The following PAX3 variants were observed in gnomAD, a reference collection of about 807,000 sequenced individuals.
PAX3 encodes paired box 3, also known as paired box protein Pax-3.
PAX3 carries 14 observed loss-of-function variants against 51.6 expected under a neutral mutation model. The observed-to-expected ratio is 0.27, with a 90% CI of 0.18 to 0.42. The LOEUF is 0.42. PAX3 is among the 10% of genes least tolerant of loss of function. The pLI is 1.00. For synonymous variants in PAX3, 280 were observed against 253.4 expected (o/e 1.11, Z -1.00); for missense variants, 540 against 642.8 (o/e 0.84, Z 1.73).
Position 222,291,630 on chromosome 2 carries a change from C to T in PAX3, c.586+2537G>A, listed in dbSNP as rs1695042514. On this transcript the variant is annotated intron_variant, in intron 4 of 8. Transcript: ENST00000392070. ...GAAAAGCCAGGCTCAGCAGCACCCA[C>T]CAGACCCACTAACTGGAAAAGGGCA... Among the ~76,000 whole-genome samples, 3 of 152,184 alleles carry T rather than the reference C, an allele frequency of 2.0e-5. No homozygotes were observed. The South Asian group carries it at 6.2e-4, about 31-fold the overall frequency.
At chr2:222,278,495 C>T (rs910872278) in intron 4 of PAX3, among the ~76,000 whole-genome samples, 3 of 152,218 alleles carry the variant, frequency 2.0e-5, no homozygotes, top group East Asian at 1.9e-4. Context: ...TAGTCTATGG[C>T]TCTTGGCCAA....
rs369403205 is a variant in PAX3 at position 222,220,413 on chromosome 2, A to G, written c.959-59T>C. 3.1e-5 allele frequency: 48 copies of G among 1,537,058 alleles called. No homozygotes were observed. The East Asian group carries it at 3.2e-4, about 10-fold the overall frequency. Reference sequence around the variant, plus strand: ...TCTTTTAGGCCAGCAGAGAAAGTTCAGTGCAAAAGTTCATCAGCCACCAGG... The same window carrying G: ...TCTTTTAGGCCAGCAGAGAAAGTTCGGTGCAAAAGTTCATCAGCCACCAGG... On this transcript the variant is annotated intron_variant, in intron 6 of 8. Coordinates refer to ENST00000392070, the MANE Select transcript of PAX3 (RefSeq NM_181458.4).
At chr2:222,256,619 C>T (rs1693656692) in intron 4 of PAX3, among the ~76,000 whole-genome samples, 2 of 152,206 alleles carry the variant, frequency 1.3e-5, no homozygotes, top group South Asian at 4.1e-4. Context: ...CTGGAAGTCT[C>T]ATTTTCTCAT....
chr2:222,281,543 C>A (rs1323590877), intron 4 of PAX3, among the ~76,000 whole-genome samples: 2 of 152,212 alleles, frequency 1.3e-5, no homozygotes, highest in Non-Finnish European at 2.9e-5. Flanking sequence ...CTGTCAGTAA[C>A]CTAAAGCTTG....
rs191272216 is a variant in PAX3, at chr2:222,249,798, T to C, written c.587-17515A>G. Among the ~76,000 whole-genome samples the C allele has an allele frequency of 2.5e-3, 387 of 152,300 alleles. 3 individuals are homozygous for C. The highest frequency in any genetic ancestry group is 0.021 in the Admixed American group (326 of 15,294). On this transcript the variant is annotated intron_variant, in intron 4 of 8. Coordinates refer to ENST00000392070, the MANE Select transcript of PAX3 (RefSeq NM_181458.4). ...GTGAAAGACACTTTCCTTCTATGTC[T>C]GCCCTTCCTGCTAATGACACAGTAT...
At chr2:222,255,320 A>T (rs1693598433) in intron 4 of PAX3, among the ~76,000 whole-genome samples, 2 of 152,156 alleles carry the variant, frequency 1.3e-5, no homozygotes, top group South Asian at 4.1e-4. Context: ...GGCTTCAAGG[A>T]GATAGGCTGA....
At chr2:222,225,045 G>C (rs1319590356) in intron 5 of PAX3, among the ~76,000 whole-genome samples, 4 of 152,142 alleles carry the variant, frequency 2.6e-5, no homozygotes, top group African/African-American at 9.7e-5. Flanking sequence ...CCCCACACAA[G>C]ATTACCTGGC....
chr2:222,272,441 G>T (rs557297894), intron 4 of PAX3, among the ~76,000 whole-genome samples: 2 of 152,296 alleles, frequency 1.3e-5, no homozygotes, highest in African/African-American at 4.8e-5. Context: ...GAAGTAATAA[G>T]AATTTGCATA....
rs543411004 is a variant in PAX3, at chr2:222,268,561, A to T, written c.586+25606T>A. ...TCTCCCCAAGGGTGTTTCAATAACCAGGCACAACGGGGAAAGCAAAGAGCT... is the reference window on the plus strand; with the variant it reads ...TCTCCCCAAGGGTGTTTCAATAACCTGGCACAACGGGGAAAGCAAAGAGCT... On this transcript the variant is annotated intron_variant, in intron 4 of 8. Coordinates refer to ENST00000392070, the MANE Select transcript of PAX3 (RefSeq NM_181458.4). Among the ~76,000 whole-genome samples, 6 of 152,316 alleles carry T rather than the reference A, an allele frequency of 3.9e-5. No individual in the cohort carries two copies. The East Asian group carries it at 7.7e-4, about 20-fold the overall frequency.
At chr2:222,287,612 A>G (rs753538683) in intron 4 of PAX3, 6 of 152,232 alleles carry the variant, frequency 3.9e-5, no homozygotes, top group Admixed American at 6.5e-5. Context: ...GAACTATCTA[A>G]TGCTATATCT....
At chr2:222,217,980 T>C (rs1692031475) in intron 7 of PAX3, among the ~76,000 whole-genome samples, 1 of 152,174 alleles carries the variant, frequency 6.6e-6, no homozygotes, top group Admixed American at 6.6e-5. Flanking sequence ...TAACTTTGCC[T>C]GAGGAAATAA....
chr2:222,249,800 C>T (rs1215900385), intron 4 of PAX3, among the ~76,000 whole-genome samples: 2 of 152,148 alleles, frequency 1.3e-5, no homozygotes, highest in African/African-American at 4.8e-5. Context: ...TCTATGTCTG[C>T]CCTTCCTGCT....
In PAX3 at chr2:222,201,101, C is replaced by A; in HGVS notation, c.*307G>T. On this transcript the variant is annotated 3_prime_UTR_variant, in exon 9 of 9. Transcript: ENST00000392070. ...TGGAATGTTCTAGCTCCTCGATGAT[C>A]AGCACTAAAGAATTGGGATGTTTTG... is the stretch of plus-strand genomic sequence containing the variant. 1 of 1,491,972 alleles carries A rather than the reference C, an allele frequency of 6.7e-7. No individual in the cohort carries two copies. The highest frequency in any genetic ancestry group is 9.3e-7 in the Non-Finnish European group (1 of 1,072,740). 92.4% of individuals were successfully genotyped at this position (1,491,972 alleles called of 1,614,324 possible).
At chr2:222,279,508 G>T (rs905404221) in intron 4 of PAX3, among the ~76,000 whole-genome samples, 2 of 152,202 alleles carry the variant, frequency 1.3e-5, no homozygotes, top group Non-Finnish European at 2.9e-5. Flanking sequence ...GTAGAGGAGG[G>T]TTAGGTGGTA....
intron 4 of PAX3, among the ~76,000 whole-genome samples, chr2:222,258,059 A>G (rs373747991): frequency 5.3e-5 from 8 of 152,246 alleles, no homozygotes; most frequent in African/African-American, 1.9e-4. Flanking sequence ...AGTGCTTTCA[A>G]GTGTGTCTAT....
intron 5 of PAX3, among the ~76,000 whole-genome samples, chr2:222,222,063 C>T (rs527599681): frequency 6.6e-6 from 1 of 152,122 alleles, no homozygotes; most frequent in Non-Finnish European, 1.5e-5. Flanking sequence ...TCCTAGAACA[C>T]GCTGTGTCAA....
intron 4 of PAX3, among the ~76,000 whole-genome samples, chr2:222,277,961 G>A (rs1307766585): frequency 7.0e-6 from 1 of 142,302 alleles, no homozygotes; most frequent in Non-Finnish European, 1.6e-5. Context: ...TTGAGTTTTT[G>A]TGTGATTTCT....
chr2:222,271,191 A>T (rs1485229533), intron 4 of PAX3, among the ~76,000 whole-genome samples: 1 of 152,228 alleles, frequency 6.6e-6, no homozygotes, highest in Non-Finnish European at 1.5e-5. Context: ...AGAGTGAACC[A>T]GGACAAATCT....
chr2:222,297,806 A>T (rs562429216), intron 1 of PAX3, among the ~76,000 whole-genome samples: 2 of 152,274 alleles, frequency 1.3e-5, no homozygotes, highest in African/African-American at 2.4e-5. Flanking sequence ...CCCAGCCCCC[A>T]TTCTTGCTCT....
Sources: gnomAD v4.1 joint callset for allele counts (sites outside exome capture counted in the v4.1 genomes callset) on GRCh38, gnomAD v4.1.1 for gene constraint, MANE v1.5 for transcripts, NCBI Gene and HGNC (gene_info 2026-07-23, HGNC 2026-07-21) for gene names.